Variants in SLC25A21 observed in about 807,000 individuals in gnomAD.
SLC25A21 encodes the protein solute carrier family 25 member 21, also known as mitochondrial 2-oxodicarboxylate carrier.
In SLC25A21, 47 loss-of-function variants were observed where a neutral mutation model predicts 43.8. The ratio of observed to expected loss-of-function variants is 1.07; its 90% confidence interval spans 0.85 to 1.37. The LOEUF (loss-of-function observed/expected upper bound fraction) is 1.37. Ranked by LOEUF, SLC25A21 falls within the 40% of genes most tolerant of loss-of-function variation. The pLI, the probability that SLC25A21 is intolerant of heterozygous loss-of-function variation, is 0.00. For missense variants in SLC25A21, 352 were observed against 350.2 expected (o/e 1.00, Z -0.04); for synonymous variants, 131 against 121.3 (o/e 1.08, Z -0.52).
intron 3 of SLC25A21, among the ~76,000 whole-genome samples, chr14:36,802,244 A>G (rs1887893548): frequency 6.6e-6 from 1 of 152,154 alleles, no homozygotes; most frequent in East Asian, 1.9e-4. Flanking sequence ...GAAACTAGTA[A>G]TTATTCAATT....
At chr14:37,037,450 G>A (rs1467493) in intron 1 of SLC25A21, among the ~76,000 whole-genome samples, 71,235 of 151,872 alleles carry the variant, frequency 0.47, 19,098 homozygotes, top group African/African-American at 0.75. Context: ...CACGAGAAAA[G>A]CTTAACATCA....
rs767545039 is a variant in SLC25A21, at chr14:36,712,734, G to GA, written c.439-1253dup. 1.7e-3 allele frequency among the ~76,000 whole-genome samples: 258 copies of GA among 152,158 alleles called. 1 individual carries two copies. The highest frequency in any genetic ancestry group is 5.5e-3 in the African/African-American group (230 of 41,516). ...TTAAGAAAACCCTCCTTTGTAATAT[G>GA]AAAAAACCATGGTAGAATACATCTT... On this transcript the variant is annotated intron_variant, in intron 6 of 9. Transcript: ENST00000331299.
chr14:36,810,876 G>T (rs147443030), intron 3 of SLC25A21, among the ~76,000 whole-genome samples: 1 of 31,790 alleles, frequency 3.1e-5, no homozygotes, highest in African/African-American at 8.4e-5. Context: ...CATATGTAGA[G>T]AAAGAAAAGA....
chr14:36,724,478 G>A (rs1884507992), intron 6 of SLC25A21, among the ~76,000 whole-genome samples: 1 of 152,220 alleles, frequency 6.6e-6, no homozygotes. Flanking sequence ...GATCAGGTCA[G>A]CAGATACTCC....
At chr14:37,090,297 T>C (rs1384076161) in intron 1 of SLC25A21, among the ~76,000 whole-genome samples, 2 of 152,214 alleles carry the variant, frequency 1.3e-5, no homozygotes, top group South Asian at 2.1e-4. Context: ...TACTTGCTGC[T>C]GGCAACACAG....
chr14:37,098,286 T>G (rs1962740811), intron 1 of SLC25A21: 1 of 152,208 alleles, frequency 6.6e-6, no homozygotes, highest in Non-Finnish European at 1.5e-5. Flanking sequence ...CAGCAGTGTA[T>G]AGAGTCCTAG....
At chr14:36,998,719 C>A (rs1183655736) in intron 1 of SLC25A21, among the ~76,000 whole-genome samples, 1 of 150,732 alleles carries the variant, frequency 6.6e-6, no homozygotes, top group Non-Finnish European at 1.5e-5. Context: ...AAAAAAAAAA[C>A]CTAATTGAAA....
chr14:36,734,026 T>C (rs1307636668), intron 4 of SLC25A21, among the ~76,000 whole-genome samples: 1 of 149,914 alleles, frequency 6.7e-6, no homozygotes, highest in Non-Finnish European at 1.5e-5. Context: ...AAAATGAAGT[T>C]GGCATTCCAA....
At chr14:37,036,593 GATAA>G (rs1961332562) in intron 1 of SLC25A21, among the ~76,000 whole-genome samples, 1 of 152,032 alleles carries the variant, frequency 6.6e-6, no homozygotes, top group Admixed American at 6.6e-5. Context: ...AAAATTTAAA[GATAA>G]ATAAATAAAA....
At chr14:37,122,396 C>G (rs1020631606) in intron 1 of SLC25A21, among the ~76,000 whole-genome samples, 5 of 152,134 alleles carry the variant, frequency 3.3e-5, no homozygotes, top group African/African-American at 9.7e-5. Context: ...CTTATTCGTT[C>G]AAAAGAAAAT....
intron 3 of SLC25A21, among the ~76,000 whole-genome samples, chr14:36,749,897 A>G (rs910586310): frequency 6.6e-6 from 1 of 152,184 alleles, no homozygotes; most frequent in African/African-American, 2.4e-5. Flanking sequence ...TTCTTCATAG[A>G]ATGGATCCCT....
At position 36,981,076 on chromosome 14, in the gene SLC25A21, A is replaced by C. The variant is rs956220576; in HGVS notation, c.71-106072T>G. ...GAAGACATTTAGGCAGCCAATAGAC[A>C]CATGAAAAAATGCTCATGATCACTG... On this transcript the variant is annotated intron_variant, in intron 1 of 9. Transcript: ENST00000331299. Among the ~76,000 whole-genome samples, 24 of 151,656 alleles carry C rather than the reference A, an allele frequency of 1.6e-4. 1 individual carries two copies. Among genetic ancestry groups the C allele is most frequent in the Non-Finnish European group, 4.4e-5 (3 of 68,040 alleles).
chr14:37,054,456 T>C (rs896125818), intron 1 of SLC25A21, among the ~76,000 whole-genome samples: 2 of 152,290 alleles, frequency 1.3e-5, no homozygotes, highest in Admixed American at 6.5e-5. Context: ...TGTACATCAA[T>C]AGAAAGCCAG....
intron 5 of SLC25A21, among the ~76,000 whole-genome samples, chr14:36,727,103 C>T: frequency 6.6e-6 from 1 of 152,082 alleles, no homozygotes; most frequent in South Asian, 2.1e-4. Context: ...ACCAAGGGTG[C>T]TTGGAGGCTG....
intron 2 of SLC25A21, among the ~76,000 whole-genome samples, chr14:36,872,090 C>G (rs1179569275): frequency 6.6e-6 from 1 of 152,090 alleles, no homozygotes; most frequent in Non-Finnish European, 1.5e-5. Context: ...GAAAGTAAAT[C>G]TGAAAGATTA....
At chr14:36,998,554 C>T (rs1189326201) in intron 1 of SLC25A21, among the ~76,000 whole-genome samples, 1 of 151,942 alleles carries the variant, frequency 6.6e-6, no homozygotes, top group Admixed American at 6.6e-5. Flanking sequence ...AAACTCTAAG[C>T]CTGGATAAGT....
intron 1 of SLC25A21, among the ~76,000 whole-genome samples, chr14:36,963,996 C>A (rs1959557978): frequency 6.6e-6 from 1 of 152,112 alleles, no homozygotes; most frequent in African/African-American, 2.4e-5. Flanking sequence ...TACTTAGCGC[C>A]TTCATTTTCC....
intron 1 of SLC25A21, among the ~76,000 whole-genome samples, chr14:37,083,720 T>C (rs1962430658): frequency 6.6e-6 from 1 of 152,186 alleles, no homozygotes; most frequent in Non-Finnish European, 1.5e-5. Context: ...TTGCTAGAAA[T>C]GCAGAACCTG....
intron 1 of SLC25A21, among the ~76,000 whole-genome samples, chr14:36,884,105 T>C (rs80045082): frequency 0.013 from 2,012 of 152,256 alleles, 28 homozygotes; most frequent in Non-Finnish European, 0.02. Flanking sequence ...TGCTGAAACT[T>C]TGTACCCTTT....
Sources: allele counts gnomAD v4.1 joint callset (sites outside exome capture counted in the v4.1 genomes callset), GRCh38; gene constraint gnomAD v4.1.1; transcripts MANE v1.5; gene names NCBI Gene and HGNC (gene_info 2026-07-23, HGNC 2026-07-21).